TBC1D16: variants seen among roughly 807,000 people sequenced by gnomAD.
TBC1D16 encodes CTD-2529O21.1.
In TBC1D16, 58 loss-of-function variants were observed where a neutral mutation model predicts 74.7. The ratio of observed to expected loss-of-function variants is 0.78; its 90% CI spans 0.63 to 0.97. TBC1D16 has a LOEUF of 0.97. Among genes scored for constraint, TBC1D16 ranks in the 50% least tolerant of loss-of-function variants. The pLI is 0.00. For synonymous variants in TBC1D16, 493 were observed against 474.7 expected, an observed-to-expected ratio of 1.04 and a Z score of -0.50; for missense variants, 1,014 against 1,079.5, an observed-to-expected ratio of 0.94 and a Z score of 0.85.
chr17:79,994,726 G>A lies in TBC1D16; in HGVS notation c.779+15434C>T, dbSNP rs2035202633. On this transcript the variant is annotated intron_variant, in intron 3 of 11. Transcript: ENST00000310924. The surrounding 1 kb of genome is among the most constrained non-coding windows in gnomAD (Gnocchi z 4.6). Reference sequence around the variant, plus strand: ...GGCGTGAGCCATTGCGCCCGGCCGAGAATGTTTTTTCAAAAAAGCAGGTCG... The same window carrying A: ...GGCGTGAGCCATTGCGCCCGGCCGAAAATGTTTTTTCAAAAAAGCAGGTCG... Among the ~76,000 whole-genome samples the A allele has an allele frequency of 6.6e-6, 1 of 152,042 alleles. No homozygotes were observed. The highest frequency in any genetic ancestry group is 1.5e-5 in the Non-Finnish European group (1 of 67,994).
chr17:79,989,538 G>A (rs548856362), intron 3 of TBC1D16, among the ~76,000 whole-genome samples: 2 of 152,212 alleles, frequency 1.3e-5, no homozygotes, highest in Non-Finnish European at 2.9e-5. Context: ...ACGAGTTGTC[G>A]TTGCCTCTTC....
intron 3 of TBC1D16, among the ~76,000 whole-genome samples, chr17:80,004,527 G>A (rs1273892609): frequency 6.6e-6 from 1 of 152,204 alleles, no homozygotes; most frequent in Non-Finnish European, 1.5e-5. Context: ...GTGAGCCCAG[G>A]TTTGAAAACT....
intron 3 of TBC1D16, among the ~76,000 whole-genome samples, chr17:79,969,311 AG>A (rs2033976758): frequency 6.6e-6 from 1 of 151,976 alleles, no homozygotes; most frequent in Non-Finnish European, 1.5e-5. Context: ...GCTTGAACCT[AG>A]GAAGTGGAGG....
rs964506284 is a variant in TBC1D16, at chr17:79,936,728, C to T, written c.*4131G>A. On this transcript the variant is annotated 3_prime_UTR_variant, in exon 12 of 12. Transcript: ENST00000310924. ...GAGACAGGACAGAATGCTTTCACAC[C>T]CAGGAACGGCCGTGCAGCCTGGCTT... The T allele has an allele frequency of 1.3e-5, 2 of 152,184 alleles. No individual in the cohort carries two copies. Among genetic ancestry groups the T allele is most frequent in the African/African-American group, 4.8e-5 (2 of 41,430 alleles). 9.4% of individuals were successfully genotyped at this position (152,184 alleles called of 1,614,324 possible).
Position 79,938,864 on chromosome 17 carries a change from G to A in TBC1D16, c.*1995C>T, listed in dbSNP as rs1568560612. On this transcript the variant is annotated 3_prime_UTR_variant, in exon 12 of 12. Transcript: ENST00000310924. The stretch of plus-strand genomic sequence containing the variant: ...TTGGCTGTGCCATGGCTGGCCTGCA[G>A]GAGGGATGCAAGAGACCACAGAGCA... 1 of 152,338 alleles carries A rather than the reference G, an allele frequency of 6.6e-6. No individual in the cohort carries two copies. Among genetic ancestry groups the A allele is most frequent in the Non-Finnish European group, 1.5e-5 (1 of 68,082 alleles). 9.4% of individuals were successfully genotyped at this position (152,338 alleles called of 1,614,324 possible).
At chr17:80,024,878 C>T (rs1390696644) in intron 1 of TBC1D16, among the ~76,000 whole-genome samples, 7 of 141,970 alleles carry the variant, frequency 4.9e-5, no homozygotes, top group East Asian at 4.3e-4. Context: ...TCACACACCA[C>T]ATACCATAGG....
At chr17:79,968,382 T>C (rs1481661999) in intron 3 of TBC1D16, among the ~76,000 whole-genome samples, 2 of 152,200 alleles carry the variant, frequency 1.3e-5, no homozygotes, top group African/African-American at 2.4e-5. Flanking sequence ...AGTCAGACCA[T>C]AACCTCACAC....
At chr17:79,982,146 T>C (rs1405745566) in intron 3 of TBC1D16, among the ~76,000 whole-genome samples, 1 of 151,508 alleles carries the variant, frequency 6.6e-6, no homozygotes, top group Non-Finnish European at 1.5e-5. Context: ...GTGTGGTTTT[T>C]TTTTCTTTTT....
At chr17:79,942,293 T>TG (rs2032088647) in intron 10 of TBC1D16, 87 bp from the exon 11 acceptor site, 1 of 1,415,000 alleles carries the variant, frequency 7.1e-7, no homozygotes, top group Non-Finnish European at 9.6e-7. Flanking sequence ...AGGGTGCGAG[T>TG]GAGGGCTCCA....
intron 2 of TBC1D16, among the ~76,000 whole-genome samples, chr17:80,012,246 C>T (rs1034425970): frequency 3.3e-5 from 5 of 152,206 alleles, no homozygotes; most frequent in Non-Finnish European, 7.3e-5. Flanking sequence ...GTTTCCACAT[C>T]CTTTGAGATC....
intron 3 of TBC1D16, among the ~76,000 whole-genome samples, chr17:80,005,348 CA>C (rs1231696254): frequency 2.0e-5 from 3 of 152,238 alleles, no homozygotes; most frequent in Non-Finnish European, 4.4e-5. Flanking sequence ...GGGGCAGGGT[CA>C]GTGGACACGG....
chr17:79,992,351 G>T, intron 3 of TBC1D16: 1 of 152,370 alleles, frequency 6.6e-6, no homozygotes. Context: ...CTCCTAGAAG[G>T]GGAAACCGTG....
intron 3 of TBC1D16, among the ~76,000 whole-genome samples, chr17:79,967,833 T>C (rs1179987105): frequency 6.6e-6 from 1 of 152,138 alleles, no homozygotes; most frequent in Admixed American, 6.5e-5. Context: ...ATTTCAAAAC[T>C]TAACTACAAA....
intron 7 of TBC1D16, 106 bp downstream of exon 7, chr17:79,949,611 G>C: frequency 7.2e-7 from 1 of 1,395,250 alleles, no homozygotes; most frequent in Non-Finnish European, 9.7e-7. Flanking sequence ...GAAACTATGG[G>C]TCACGAAACA....
chr17:79,974,025 C>A (rs1373421959), intron 3 of TBC1D16, among the ~76,000 whole-genome samples: 2 of 152,216 alleles, frequency 1.3e-5, no homozygotes, highest in Non-Finnish European at 2.9e-5. Flanking sequence ...TTTGGCATAT[C>A]CAAATTGTCA....
At chr17:80,014,162 GC>G (rs2036005487) in intron 1 of TBC1D16, among the ~76,000 whole-genome samples, 1 of 152,154 alleles carries the variant, frequency 6.6e-6, no homozygotes, top group Non-Finnish European at 1.5e-5. Flanking sequence ...TTCGAGACCA[GC>G]CTGGCCAACA....
intron 2 of TBC1D16, among the ~76,000 whole-genome samples, chr17:80,011,699 G>A (rs769933971): frequency 3.3e-5 from 5 of 152,118 alleles, no homozygotes; most frequent in Admixed American, 6.5e-5. Flanking sequence ...GATGGTGGGC[G>A]CCTGTAGTCC....
chr17:80,022,702 T>G (rs2067279077), intron 1 of TBC1D16, among the ~76,000 whole-genome samples: 1 of 148,278 alleles, frequency 6.7e-6, no homozygotes, highest in South Asian at 2.1e-4. Context: ...AATGGCACAA[T>G]CTTGGCTCAC....
intron 3 of TBC1D16, among the ~76,000 whole-genome samples, chr17:79,991,779 G>A (rs2035071806): frequency 6.6e-6 from 1 of 151,930 alleles, no homozygotes; most frequent in South Asian, 2.1e-4. Flanking sequence ...CTGATCTAGG[G>A]GAAGCCTGCC....
Sources: allele counts gnomAD v4.1 joint callset (sites outside exome capture counted in the v4.1 genomes callset), GRCh38; gene constraint gnomAD v4.1.1; non-coding constraint Gnocchi (gnomAD v3.1); transcripts MANE v1.5; gene names NCBI Gene and HGNC (gene_info 2026-07-23, HGNC 2026-07-21).